The following MSN variants were observed in gnomAD, a reference collection of about 807,000 sequenced individuals.
MSN encodes the protein epididymis luminal protein 70.
MSN carries 2 observed loss-of-function variants against 48.0 expected under a neutral mutation model. The observed-to-expected ratio is 0.04, with a 90% CI of 0.02 to 0.13. MSN has a LOEUF of 0.13. Ranked by LOEUF, MSN falls within the 10% of genes least tolerant of loss-of-function variation. The probability of loss-of-function intolerance (pLI) is 1.00; values close to 1 mark genes in which losing one functional copy is unlikely to be tolerated. For missense variants in MSN, 267 were observed against 470.1 expected (o/e 0.57, Z 3.99); for synonymous variants, 146 against 166.9 (o/e 0.87, Z 0.97).
At chrX:65,676,532 A>G (rs746071461) in intron 1 of MSN, among the ~76,000 whole-genome samples, 1 of 111,804 alleles carries the variant, frequency 8.9e-6, no homozygotes, top group Non-Finnish European at 1.9e-5. Flanking sequence ...GCCTAATGAG[A>G]GAAGAGTTGA....
intron 2 of MSN, among the ~76,000 whole-genome samples, chrX:65,724,509 AG>A (rs1162334135): frequency 1.8e-5 from 2 of 111,125 alleles, no homozygotes; most frequent in Admixed American, 9.6e-5. Flanking sequence ...TGGTGCAAAA[AG>A]AGGCTAACGG....
intron 1 of MSN, among the ~76,000 whole-genome samples, chrX:65,699,748 C>CAAAA (rs34875923): frequency 2.3e-5 from 1 of 43,026 alleles, no homozygotes; most frequent in Non-Finnish European, 4.5e-5. Flanking sequence ...GAATCTGTTT[C>CAAAA]AAAAAAAAAA....
chrX:65,736,663 C>G, intron 8 of MSN, 132 bp from the exon 9 acceptor site: 1 of 684,323 alleles, frequency 1.5e-6, no homozygotes, highest in Non-Finnish European at 2.1e-6. Context: ...GTCTCGATCT[C>G]CTGACCTCGT....
intron 2 of MSN, among the ~76,000 whole-genome samples, chrX:65,725,414 C>T (rs979536752): frequency 9.1e-6 from 1 of 109,804 alleles, no homozygotes; most frequent in Admixed American, 9.7e-5. Context: ...CTCTCTCTCT[C>T]TTTTTTTTTC....
rs190403890 is a variant in MSN, at chrX:65,726,391, T to C, written c.97-1423T>C. ...GATGCATTACCTCTCTAAGCCTTAG[T>C]TCCTCATCTATAATATGGGTATAAT... On this transcript the variant is annotated intron_variant, in intron 2 of 12. Transcript: ENST00000360270. Among the ~76,000 whole-genome samples the C allele has an allele frequency of 2.7e-5, 3 of 111,920 alleles. No individual in the cohort carries two copies. The East Asian group carries it at 8.4e-4, about 31-fold the overall frequency.
Position 65,637,473 on chromosome X carries a change from T to C in MSN, c.-22+48861T>C, listed in dbSNP as rs1416924716. ...CTTTAAGCTTTCCACACCCTACTCCTATCCAAAGATAGACCTTCCCACCTC... is the reference window on the plus strand; with the variant it reads ...CTTTAAGCTTTCCACACCCTACTCCCATCCAAAGATAGACCTTCCCACCTC... On this transcript the variant is annotated intron_variant, in intron 1 of 3. Transcript: ENST00000609672. Among the ~76,000 whole-genome samples, 4 of 109,663 alleles carry C rather than the reference T, an allele frequency of 3.6e-5. No homozygotes were observed. The East Asian group carries it at 1.1e-3, about 31-fold the overall frequency.
chrX:65,649,707 T>A (rs1466887873), intron 1 of MSN, among the ~76,000 whole-genome samples: 2 of 107,912 alleles, frequency 1.9e-5, no homozygotes, highest in South Asian at 8.0e-4. Context: ...ACAGTGTCTG[T>A]CTGGAGAGCT....
intron 1 of MSN, among the ~76,000 whole-genome samples, chrX:65,715,927 G>C (rs1427756811): frequency 8.9e-6 from 1 of 112,072 alleles, no homozygotes; most frequent in Non-Finnish European, 1.9e-5. Flanking sequence ...AATGCTTCCA[G>C]CTTTGGCGCA....
intron 1 of MSN, among the ~76,000 whole-genome samples, chrX:65,636,177 G>A (rs1158648261): frequency 9.0e-6 from 1 of 111,325 alleles, no homozygotes; most frequent in African/African-American, 3.3e-5. Flanking sequence ...GGGGTGCAGG[G>A]GAGAGGCAGC....
intron 1 of MSN, among the ~76,000 whole-genome samples, chrX:65,714,517 T>G (rs1205204887): frequency 8.9e-6 from 1 of 111,857 alleles, no homozygotes; most frequent in African/African-American, 3.3e-5. Context: ...ATAGCTATTC[T>G]GACTTGTGTG....
upstream of MSN, among the ~76,000 whole-genome samples, chrX:65,663,985 G>A (rs1056508989): frequency 1.2e-4 from 13 of 107,582 alleles, no homozygotes; most frequent in Non-Finnish European, 2.3e-4. Context: ...GCATGAACCC[G>A]GGAGGCGGAG....
chrX:65,592,338 G>A (rs1177198588), intron 1 of MSN, among the ~76,000 whole-genome samples: 1 of 107,962 alleles, frequency 9.3e-6, no homozygotes, highest in African/African-American at 3.4e-5. Context: ...TGGGACTACA[G>A]GCACGTGCCA....
chrX:65,593,268 C>T (rs2070162637), intron 1 of MSN: 1 of 109,828 alleles, frequency 9.1e-6, no homozygotes, highest in African/African-American at 3.3e-5. Flanking sequence ...AGAGAAGGGA[C>T]CATCTCAGGT....
intron 1 of MSN, among the ~76,000 whole-genome samples, chrX:65,624,057 G>T (rs1002193373): frequency 9.1e-6 from 1 of 110,232 alleles, no homozygotes; most frequent in South Asian, 3.7e-4. Context: ...TTGCAAGGCT[G>T]GTAGTAATAT....
rs181566180 is a variant in MSN, at chrX:65,660,092, C to A, written c.-21-56726C>A. Among the ~76,000 whole-genome samples the A allele has an allele frequency of 6.7e-4, 75 of 111,787 alleles. 2 individuals are homozygous for A. The East Asian group carries it at 0.012, about 18-fold the overall frequency. On this transcript the variant is annotated intron_variant, in intron 1 of 3. Transcript: ENST00000609672. ...AGATAGCACCTCGGCTGCCTCTGCT[C>A]TGCTCTGGAGACAGGGGCGTAACTG...
chrX:65,740,299 T>C lies in MSN; in HGVS notation c.*406T>C, dbSNP rs1325038686. On this transcript the variant is annotated 3_prime_UTR_variant, in exon 13 of 13. Coordinates refer to ENST00000360270, the MANE Select transcript of MSN (RefSeq NM_002444.3). Reference sequence around the variant, plus strand: ...CACTGTCTTCTTCAGGGTCCTGAGATTTACACGGTTGGAGTGTTATGCGGT... The same window carrying C: ...CACTGTCTTCTTCAGGGTCCTGAGACTTACACGGTTGGAGTGTTATGCGGT... The C allele has an allele frequency of 2.1e-5, 4 of 187,053 alleles. No individual in the cohort carries two copies. Among genetic ancestry groups the C allele is most frequent in the Non-Finnish European group, 4.0e-5 (4 of 100,119 alleles). The allele number at this position is 187,053 out of a possible 1,213,427, so 15.4% of individuals were successfully genotyped here.
chrX:65,638,345 C>T (rs777909103), intron 1 of MSN, among the ~76,000 whole-genome samples: 10 of 111,784 alleles, frequency 8.9e-5, no homozygotes, highest in Non-Finnish European at 1.5e-4. Flanking sequence ...TTTGTGCTTC[C>T]CTTCCACTCT....
chrX:65,633,225 G>A (rs1351983628), intron 1 of MSN, among the ~76,000 whole-genome samples: 1 of 111,279 alleles, frequency 9.0e-6, no homozygotes. Context: ...AATCCCCAAG[G>A]GTGATATCTG....
chrX:65,617,517 A>G (rs1198111581), intron 1 of MSN, among the ~76,000 whole-genome samples: 1 of 106,567 alleles, frequency 9.4e-6, no homozygotes, highest in South Asian at 3.8e-4. Context: ...GTATTCCCTG[A>G]TGGTAGTTTG....
Sources: allele counts gnomAD v4.1 joint callset (sites outside exome capture counted in the v4.1 genomes callset), GRCh38; gene constraint gnomAD v4.1.1; transcripts MANE v1.5; gene names NCBI Gene and HGNC (gene_info 2026-07-23, HGNC 2026-07-21).